IL2RA: variants seen among roughly 807,000 people sequenced by gnomAD.
The protein encoded by IL2RA is interleukin-2 receptor subunit alpha.
Under a neutral mutation model 37.8 loss-of-function variants are expected in IL2RA, and 24 were observed. The observed-to-expected ratio is 0.63, with a 90% CI of 0.46 to 0.89. The LOEUF is 0.89. Ranked by LOEUF, IL2RA falls within the 40% of genes least tolerant of loss-of-function variation. The pLI is 0.00. For synonymous variants in IL2RA, 125 were observed against 114.6 expected (o/e 1.09, Z -0.58); for missense variants, 319 against 348.6 (o/e 0.92, Z 0.68).
chr10:6,017,941 C>T, intron 7 of IL2RA, 112 bp downstream of exon 7: 3 of 822,586 alleles, frequency 3.6e-6, no homozygotes, highest in Non-Finnish European at 6.2e-6. Flanking sequence ...TTTGCCACTC[C>T]CTGAACTGCA....
chr10:6,037,038 G>A (rs1218417354), intron 1 of IL2RA, among the ~76,000 whole-genome samples: 1 of 152,142 alleles, frequency 6.6e-6, no homozygotes, highest in Non-Finnish European at 1.5e-5. Context: ...TGAAGCCCCG[G>A]CTGCTCTCTC....
chr10:6,037,599 C>T (rs1209486408), intron 1 of IL2RA, among the ~76,000 whole-genome samples: 2 of 152,170 alleles, frequency 1.3e-5, no homozygotes, highest in Admixed American at 1.3e-4. Flanking sequence ...AGAGCTTGGG[C>T]CACTGGGTAA....
intron 1 of IL2RA, among the ~76,000 whole-genome samples, chr10:6,030,447 T>C (rs1839558608): frequency 6.6e-6 from 1 of 152,148 alleles, no homozygotes; most frequent in Non-Finnish European, 1.5e-5. Context: ...AACAACTGAC[T>C]TCTCAACAGA....
At chr10:6,017,572 ATTT>A (rs71390109) in intron 7 of IL2RA, among the ~76,000 whole-genome samples, 8 of 104,854 alleles carry the variant, frequency 7.6e-5, no homozygotes, top group East Asian at 2.9e-4. Flanking sequence ...TGGTCGTTTA[ATTT>A]TTTTTTTTTT....
Position 6,062,295 on chromosome 10 carries a change from G to A in IL2RA, c.-144C>T, listed in dbSNP as rs1588330484. On this transcript the variant is annotated 5_prime_UTR_variant, in exon 1 of 8. Coordinates refer to ENST00000379959, the MANE Select transcript of IL2RA (RefSeq NM_000417.3). Reference sequence around the variant, plus strand: ...TCCGCCTGGGCTGTCACCCTTGTGGGTCCATCCAGTCTCTATCGGAGTCAG... The same window carrying A: ...TCCGCCTGGGCTGTCACCCTTGTGGATCCATCCAGTCTCTATCGGAGTCAG... The A allele has an allele frequency of 1.0e-5, 7 of 686,780 alleles. No individual in the cohort carries two copies. The highest frequency in any genetic ancestry group is 1.6e-5 in the Non-Finnish European group (6 of 377,772). 42.5% of individuals were successfully genotyped at this position (686,780 alleles called of 1,614,324 possible).
intron 7 of IL2RA, 151 bp from the exon 8 acceptor site, chr10:6,013,047 C>T: frequency 1.4e-6 from 1 of 739,486 alleles, no homozygotes; most frequent in Non-Finnish European, 2.4e-6. Flanking sequence ...CCAGGCTGGT[C>T]TCGAACTCCT....
At chr10:6,042,018 T>C (rs1342683405) in intron 1 of IL2RA, among the ~76,000 whole-genome samples, 1 of 151,764 alleles carries the variant, frequency 6.6e-6, no homozygotes, top group Non-Finnish European at 1.5e-5. Flanking sequence ...GAAGTTATGA[T>C]AATCTTGAAC....
At chr10:6,040,204 A>C (rs1839750824) in intron 1 of IL2RA, among the ~76,000 whole-genome samples, 1 of 152,262 alleles carries the variant, frequency 6.6e-6, no homozygotes, top group African/African-American at 2.4e-5. Context: ...TTTAGAACCC[A>C]ATGATAAAAT....
At position 6,024,251 on chromosome 10, in the gene IL2RA, G is replaced by C. The variant is rs1364586699; in HGVS notation, c.360C>G (p.Ser120Arg). The C allele has an allele frequency of 1.9e-6, 3 of 1,609,384 alleles. No homozygotes were observed. The highest frequency in any genetic ancestry group is 2.2e-5 in the South Asian group (2 of 90,984). The change falls in exon 3 of 8, where the codon AGC becomes AGG. Residue 120 changes from serine to arginine, a missense_variant. Ser to Arg is a moderately radical substitution (Grantham distance 110). Coordinates refer to ENST00000379959, the MANE Select transcript of IL2RA (RefSeq NM_000417.3). The stretch of plus-strand genomic sequence containing the variant: ...GACAGATTCATCTCTCACCTGGAAG[G>C]CTCGCTTGGTCCACTGGCTGCATTG... ...QSPMQPVDQA[S>R]LPGHCREPPP...
Position 6,036,471 on chromosome 10 carries a change from C to T in IL2RA, c.65-10446G>A, listed in dbSNP as rs1329491871. On this transcript the variant is annotated intron_variant, in intron 1 of 7. Transcript: ENST00000379959. This position sits in a 1 kb window ranked among gnomAD's most constrained non-coding sequence, Gnocchi z 6.1. The stretch of plus-strand genomic sequence containing the variant: ...CTCTCTGCTCCTCCTGGCAAGAGGC[C>T]CCATTTTTCTTGCCACTGAGGTTAA... The T allele has an allele frequency of 6.6e-6, 1 of 152,118 alleles. No homozygotes were observed. Among genetic ancestry groups the T allele is most frequent in the African/African-American group, 2.4e-5 (1 of 41,400 alleles). The allele number at this position is 152,118 out of a possible 1,614,324, so 9.4% of individuals were successfully genotyped here.
chr10:6,031,288 A>C (rs1839570467), intron 1 of IL2RA, among the ~76,000 whole-genome samples: 1 of 151,514 alleles, frequency 6.6e-6, no homozygotes, highest in South Asian at 2.1e-4. Flanking sequence ...TATAATCTAC[A>C]AAGATAAGCA....
chr10:6,059,587 C>T (rs2132907988), intron 1 of IL2RA, among the ~76,000 whole-genome samples: 1 of 152,282 alleles, frequency 6.6e-6, no homozygotes, highest in East Asian at 1.9e-4. Context: ...ACTAAAAATG[C>T]CTAATGCCTT....
chr10:6,019,653 G>A (rs1033432693), intron 5 of IL2RA, among the ~76,000 whole-genome samples, 154 bp from the exon 6 acceptor site: 1 of 152,178 alleles, frequency 6.6e-6, no homozygotes, highest in Non-Finnish European at 1.5e-5. Flanking sequence ...TCTCTGCCTG[G>A]GGACCGTGCT....
intron 1 of IL2RA, among the ~76,000 whole-genome samples, chr10:6,040,205 A>G (rs970042872): frequency 3.9e-5 from 6 of 152,242 alleles, no homozygotes; most frequent in African/African-American, 1.4e-4. Context: ...TTAGAACCCA[A>G]TGATAAAATA....
chr10:6,016,047 T>G (rs987337145), intron 7 of IL2RA, among the ~76,000 whole-genome samples: 4 of 152,338 alleles, frequency 2.6e-5, no homozygotes, highest in African/African-American at 7.2e-5. Context: ...TACCACTTAC[T>G]GTGGTTTGAA....
Position 6,028,616 on chromosome 10 carries a change from T to A in IL2RA, c.65-2591A>T, listed in dbSNP as rs965867681. Among the ~76,000 whole-genome samples the A allele has an allele frequency of 6.6e-6, 1 of 152,192 alleles. No individual in the cohort carries two copies. The highest frequency in any genetic ancestry group is 2.4e-5 in the African/African-American group (1 of 41,456). On this transcript the variant is annotated intron_variant, in intron 1 of 7. Transcript: ENST00000379959. The surrounding 1 kb of genome is among the most constrained non-coding windows in gnomAD (Gnocchi z 4.1). Reference sequence around the variant, plus strand: ...ACCCTTTATAATGTATAGCTCATAATATCCAGCAAATTAAAAGAAAATCTA... The same window carrying A: ...ACCCTTTATAATGTATAGCTCATAAAATCCAGCAAATTAAAAGAAAATCTA...
chr10:6,026,678 G>C (rs1839488287), intron 1 of IL2RA, among the ~76,000 whole-genome samples: 1 of 152,182 alleles, frequency 6.6e-6, no homozygotes, highest in African/African-American at 2.4e-5. Context: ...AAGTGGCACA[G>C]GTCTAATCAG....
intron 1 of IL2RA, chr10:6,039,633 A>G (rs1015209718): frequency 3.9e-5 from 6 of 152,228 alleles, no homozygotes; most frequent in Admixed American, 6.5e-5. Context: ...GGAAGTCTAG[A>G]TAAGGAATAA....
intron 1 of IL2RA, among the ~76,000 whole-genome samples, chr10:6,037,957 C>T (rs953906442): frequency 6.6e-6 from 1 of 152,170 alleles, no homozygotes; most frequent in South Asian, 2.1e-4. Flanking sequence ...CCTTGGGAAA[C>T]CCAAACCAGA....
Sources: allele counts gnomAD v4.1 joint callset (sites outside exome capture counted in the v4.1 genomes callset), GRCh38; gene constraint gnomAD v4.1.1; non-coding constraint Gnocchi (gnomAD v3.1); transcripts MANE v1.5; gene names NCBI Gene and HGNC (gene_info 2026-07-23, HGNC 2026-07-21).